The following MAPK10 variants were observed in gnomAD, a reference collection of about 807,000 sequenced individuals.
MAPK10 encodes the protein JNK3 alpha protein kinase.
In MAPK10, 25 loss-of-function variants were observed where a neutral mutation model predicts 59.3. The ratio of observed to expected loss-of-function variants is 0.42; its 90% CI spans 0.31 to 0.59. The LOEUF is 0.59. Ranked by LOEUF, MAPK10 falls within the 20% of genes least tolerant of loss-of-function variation. The probability of loss-of-function intolerance (pLI) is 0.15; values close to 1 mark genes in which losing one functional copy is unlikely to be tolerated. For synonymous variants in MAPK10, 190 were observed against 200.5 expected (o/e 0.95, Z 0.44); for missense variants, 351 against 568.9 (o/e 0.62, Z 3.90).
rs188677304 is a variant in MAPK10, at chr4:86,358,340, T to C, written c.-122+1318A>G. On this transcript the variant is annotated intron_variant, in intron 1 of 13. Transcript: ENST00000641462. ...AGCCGATGAGGGATAGAAGGAGATA[T>C]TGGATGTTGTGCTGGCAATGCCTGG... The C allele has an allele frequency of 5.6e-3, 5,510 of 985,430 alleles. 18 individuals carry two copies. The highest frequency in any genetic ancestry group is 6.2e-3 in the Non-Finnish European group (5,130 of 829,932). 61.0% of individuals were successfully genotyped at this position (985,430 alleles called of 1,614,324 possible). A position where few individuals can be genotyped will look rare whatever the true frequency, so the allele number is the denominator to read the frequency against.
intron 1 of MAPK10, among the ~76,000 whole-genome samples, chr4:86,500,357 G>A (rs1755213921): frequency 6.6e-6 from 1 of 152,112 alleles, no homozygotes; most frequent in African/African-American, 2.4e-5. Flanking sequence ...CAAGCACGTT[G>A]CAGTAATCCT....
intron 5 of MAPK10, among the ~76,000 whole-genome samples, chr4:86,105,462 G>C (rs1003386859): frequency 1.3e-5 from 2 of 152,100 alleles, no homozygotes; most frequent in African/African-American, 4.8e-5. Flanking sequence ...TCAAGAATGG[G>C]AAGTATTCTC....
chr4:86,307,669 T>C (rs984406474), intron 2 of MAPK10, among the ~76,000 whole-genome samples: 1 of 152,138 alleles, frequency 6.6e-6, no homozygotes, highest in Admixed American at 6.5e-5. Context: ...ATGACTCACA[T>C]TCAGGAAACT....
intron 1 of MAPK10, among the ~76,000 whole-genome samples, chr4:86,394,446 TATC>T: frequency 6.6e-6 from 1 of 152,178 alleles, no homozygotes; most frequent in Non-Finnish European, 1.5e-5. Flanking sequence ...AAAACATATA[TATC>T]TTGAAAATAA....
chr4:86,503,715 T>A lies in MAPK10; in HGVS notation c.-263+90195A>T, dbSNP rs116838209. 1.6e-3 allele frequency among the ~76,000 whole-genome samples: 249 copies of A among 152,284 alleles called. 4 individuals are homozygous for A. The highest frequency in any genetic ancestry group is 5.6e-3 in the African/African-American group (232 of 41,574). On this transcript the variant is annotated intron_variant, in intron 1 of 4. Coordinates refer to the MAPK10 transcript ENST00000502302. ...TTATTTTAAAACATTTCAGATTATG[T>A]CACTGTTCTGATTTAAATCCTCCAA... is the stretch of plus-strand genomic sequence containing the variant.
intron 2 of MAPK10, among the ~76,000 whole-genome samples, chr4:86,227,593 A>T (rs1488462554): frequency 6.6e-6 from 1 of 152,182 alleles, no homozygotes; most frequent in Non-Finnish European, 1.5e-5. Flanking sequence ...AACGTCAATT[A>T]CAAGATAGGA....
intron 2 of MAPK10, among the ~76,000 whole-genome samples, chr4:86,283,542 A>G (rs2094896335): frequency 6.6e-6 from 1 of 152,212 alleles, no homozygotes; most frequent in Admixed American, 6.5e-5. Flanking sequence ...AGGATTTATA[A>G]TCTGGTAAAG....
intron 1 of MAPK10, among the ~76,000 whole-genome samples, chr4:86,415,790 C>G (rs1701392743): frequency 6.6e-6 from 1 of 152,078 alleles, no homozygotes; most frequent in Admixed American, 6.5e-5. Flanking sequence ...GGAGGATAAC[C>G]TAATGTCAGA....
At position 86,380,859 on chromosome 4, in the gene MAPK10, T is replaced by TAAAAA. The variant is rs35581530; in HGVS notation, c.-121-26220_-121-26216dup. ...TTCTGTACTTTTTGTTGGAAAGCATTAAAAAAAAAAAAAAAACACTGGATC... is the reference window on the plus strand; with the variant it reads ...TTCTGTACTTTTTGTTGGAAAGCATTAAAAAAAAAAAAAAAAAAAAACACTGGATC... On this transcript the variant is annotated intron_variant, in intron 1 of 13. Coordinates refer to the MAPK10 transcript ENST00000361569. Among the ~76,000 whole-genome samples the TAAAAA allele has an allele frequency of 3.2e-4, 44 of 137,136 alleles. 1 individual carries two copies. The highest frequency in any genetic ancestry group is 4.8e-4 in the Non-Finnish European group (31 of 64,762). The allele number at this position is 137,136 out of a possible 152,430, so 90.0% of individuals were successfully genotyped here.
At chr4:86,308,121 C>CA (rs2095603607) in intron 2 of MAPK10, among the ~76,000 whole-genome samples, 1 of 151,572 alleles carries the variant, frequency 6.6e-6, no homozygotes, top group Admixed American at 6.6e-5. Flanking sequence ...AAGGGAAGTA[C>CA]AAAAAAAGAG....
intron 1 of MAPK10, among the ~76,000 whole-genome samples, chr4:86,459,069 A>T (rs898135660): frequency 6.6e-6 from 1 of 152,210 alleles, no homozygotes; most frequent in Admixed American, 6.5e-5. Context: ...AGCAAGAAAA[A>T]AAACAAACAA....
intron 9 of MAPK10, among the ~76,000 whole-genome samples, chr4:86,086,388 A>G (rs1307302765): frequency 6.6e-6 from 1 of 152,174 alleles, no homozygotes; most frequent in African/African-American, 2.4e-5. Flanking sequence ...ACATTTTAAA[A>G]TAACTAAAAG....
chr4:86,024,852 G>A (rs1211723530), intron 13 of MAPK10: 1 of 152,216 alleles, frequency 6.6e-6, no homozygotes. Flanking sequence ...AATGTTGAAT[G>A]CAAATATAAT....
rs1437663560 is a variant in MAPK10 at position 86,119,799 on chromosome 4, ACT to A, written c.237-12449_237-12448del. On this transcript the variant is annotated intron_variant, in intron 4 of 13. Transcript: ENST00000641462. ...AAAAGCTGCCTAACCTAGCCTACACACTCTTCATAGGTAGCCTTCATTCAATG... is the reference window on the plus strand; with the variant it reads ...AAAAGCTGCCTAACCTAGCCTACACACTTCATAGGTAGCCTTCATTCAATG... The A allele has an allele frequency of 3.9e-5, 6 of 152,082 alleles. No homozygotes were observed. The South Asian group carries it at 1.2e-3, about 32-fold the overall frequency. The allele number at this position is 152,082 out of a possible 1,614,324, so 9.4% of individuals were successfully genotyped here.
At chr4:86,551,970 T>C (rs944580499) in intron 1 of MAPK10, among the ~76,000 whole-genome samples, 1 of 152,214 alleles carries the variant, frequency 6.6e-6, no homozygotes, top group African/African-American at 2.4e-5. Context: ...TGAACCTGAA[T>C]TTTATTTTCA....
chr4:86,302,455 C>T (rs1038914966), intron 2 of MAPK10, among the ~76,000 whole-genome samples: 4 of 152,182 alleles, frequency 2.6e-5, no homozygotes, highest in Admixed American at 2.0e-4. Flanking sequence ...GCATTCACTG[C>T]TGAAGTCAAC....
At chr4:86,023,793 G>T (rs1748626349) in intron 13 of MAPK10, 1 of 112,154 alleles carries the variant, frequency 8.9e-6, no homozygotes, top group Admixed American at 9.4e-5. Flanking sequence ...TGGATTGGAT[G>T]TTAAAAACAG....
chr4:86,098,410 ACAC>A (rs1349631078), intron 9 of MAPK10, 111 bp downstream of exon 9: 1 of 1,503,038 alleles, frequency 6.7e-7, no homozygotes, highest in Non-Finnish European at 9.0e-7. Context: ...TATTACAATA[ACAC>A]CACTTACCCA....
chr4:86,515,351 A>T (rs1191566336), intron 1 of MAPK10, among the ~76,000 whole-genome samples: 1 of 152,266 alleles, frequency 6.6e-6, no homozygotes, highest in Non-Finnish European at 1.5e-5. Context: ...TTAGATACCC[A>T]GTAGTGAGAT....
Sources: allele counts gnomAD v4.1 joint callset (sites outside exome capture counted in the v4.1 genomes callset), GRCh38; gene constraint gnomAD v4.1.1; transcripts MANE v1.5; gene names NCBI Gene and HGNC (gene_info 2026-07-23, HGNC 2026-07-21).